Variants in NPTXR observed in about 807,000 individuals in gnomAD.
The protein encoded by NPTXR is neuronal pentraxin receptor.
In NPTXR, 12 loss-of-function variants were observed where a neutral mutation model predicts 32.2. That is an observed-to-expected ratio of 0.37 (90% CI 0.24 to 0.60). The LOEUF is 0.60. Ranked by LOEUF, NPTXR falls within the 20% of genes least tolerant of loss-of-function variation. NPTXR has a pLI of 0.66. For synonymous variants in NPTXR, 323 were observed against 315.8 expected (o/e 1.02, Z -0.24); for missense variants, 612 against 682.9 (o/e 0.90, Z 1.16).
At chr22:38,837,301 G>C (rs1415187748) in intron 1 of NPTXR, among the ~76,000 whole-genome samples, 1 of 152,168 alleles carries the variant, frequency 6.6e-6, no homozygotes, top group Non-Finnish European at 1.5e-5. Flanking sequence ...GGCACTGTGG[G>C]GGAGGGAGGA....
intron 1 of NPTXR, among the ~76,000 whole-genome samples, chr22:38,835,185 G>T (rs954039934): frequency 1.3e-5 from 2 of 152,208 alleles, no homozygotes; most frequent in African/African-American, 4.8e-5. Context: ...TGGCCCCATG[G>T]TTCCGCAGGT....
At chr22:38,828,061 C>G (rs544055482) in intron 2 of NPTXR, among the ~76,000 whole-genome samples, 1 of 152,306 alleles carries the variant, frequency 6.6e-6, no homozygotes, top group South Asian at 2.1e-4. Flanking sequence ...GTATCAAGTA[C>G]TTAGCCCACT....
rs2093106955 is a variant in NPTXR at position 38,826,525 on chromosome 22, G to C, written c.1073C>G (p.Pro358Arg). 1.2e-6 allele frequency: 2 copies of C among 1,611,806 alleles called. No individual in the cohort carries two copies. The highest frequency in any genetic ancestry group is 1.1e-5 in the South Asian group (1 of 90,942). ...CTTGTCGTTGATCAGCAGCTCCATG[G>C]GCTCATGGCCCGCCTCTAGCAGTAC... is the stretch of plus-strand genomic sequence containing the variant. The change falls in exon 3 of 5, where the codon CCC becomes CGC. Residue 358 changes from proline to arginine, a missense_variant. Transcript: ENST00000333039.
intron 1 of NPTXR, among the ~76,000 whole-genome samples, chr22:38,830,527 G>A (rs1050750788): frequency 6.6e-6 from 1 of 152,208 alleles, no homozygotes; most frequent in Non-Finnish European, 1.5e-5. Context: ...AGCAGGAGCA[G>A]AGCTGGGATC....
At chr22:38,840,403 C>T (rs748137968) in intron 1 of NPTXR, among the ~76,000 whole-genome samples, 9 of 151,928 alleles carry the variant, frequency 5.9e-5, no homozygotes, top group East Asian at 1.9e-4. Flanking sequence ...AGGAGCAGGC[C>T]GAGGAGTTAG....
rs776412451 is a variant in NPTXR, at chr22:38,826,790, C to T, written c.851-43G>A. 3.0e-5 allele frequency: 47 copies of T among 1,585,042 alleles called. 1 individual carries two copies. Among genetic ancestry groups the T allele is most frequent in the African/African-American group, 2.7e-5 (2 of 74,566 alleles). On this transcript the variant is annotated intron_variant, in intron 2 of 4. Transcript: ENST00000333039. ...AGACATGGTGGAGGTCGGTGGACAC[C>T]GAAAAGGGTGGGGTGGACAGGGCAC... is the stretch of plus-strand genomic sequence containing the variant.
chr22:38,835,210 C>T (rs924144588), intron 1 of NPTXR, among the ~76,000 whole-genome samples: 2 of 149,100 alleles, frequency 1.3e-5, no homozygotes, highest in Admixed American at 6.6e-5. Context: ...GTGCTCCCAG[C>T]TGGCGGTGCT....
intron 1 of NPTXR, among the ~76,000 whole-genome samples, chr22:38,836,564 G>T (rs955946760): frequency 1.3e-5 from 2 of 152,184 alleles, no homozygotes; most frequent in Non-Finnish European, 2.9e-5. Context: ...AACTGACTAC[G>T]GTGACAGGAG....
intron 3 of NPTXR, among the ~76,000 whole-genome samples, chr22:38,825,198 G>A (rs968896258): frequency 6.6e-6 from 1 of 152,196 alleles, no homozygotes; most frequent in Non-Finnish European, 1.5e-5. Context: ...TGAAGGAGGG[G>A]CATCGGGGAG....
At position 38,843,345 on chromosome 22, in the gene NPTXR, C is replaced by T. The variant is rs2093134544; in HGVS notation, c.514G>A (p.Ala172Thr). ...GCCATGGTGTCGCGGCGGGGCCCGG[C>T]GCCCTGGAGGCCGCGCGGCAGGCCG... Residue 172 changes from alanine (A) to threonine (T), a missense_variant, in exon 1 of 5, where the codon GCC becomes ACC. Transcript: ENST00000333039. The surrounding 1 kb of genome is among the most constrained non-coding windows in gnomAD (Gnocchi z 5.3). 1 of 1,411,610 alleles carries T rather than the reference C, an allele frequency of 7.1e-7. No individual in the cohort carries two copies. Among genetic ancestry groups the T allele is most frequent in the South Asian group, 1.5e-5 (1 of 67,952 alleles). The allele number at this position is 1,411,610 out of a possible 1,614,324, so 87.4% of individuals were successfully genotyped here. A position where few individuals can be genotyped will look rare whatever the true frequency, so the allele number is the denominator to read the frequency against.
chr22:38,829,907 C>T (rs1716260383), intron 1 of NPTXR, among the ~76,000 whole-genome samples: 1 of 152,234 alleles, frequency 6.6e-6, no homozygotes, highest in Admixed American at 6.5e-5. Context: ...CTGGCCCAGC[C>T]AATGGCCTTG....
intron 1 of NPTXR, among the ~76,000 whole-genome samples, chr22:38,832,662 A>C (rs1343864580): frequency 6.6e-6 from 1 of 152,226 alleles, no homozygotes; most frequent in Non-Finnish European, 1.5e-5. Context: ...CTCAGAGATG[A>C]GGGAACTGAG....
In NPTXR at chr22:38,843,821, A is replaced by T; in HGVS notation, c.38T>A (p.Leu13Gln). 1 of 1,013,096 alleles carries T rather than the reference A, an allele frequency of 9.9e-7. No homozygotes were observed. The highest frequency in any genetic ancestry group is 1.2e-6 in the Non-Finnish European group (1 of 850,782). 62.8% of individuals were successfully genotyped at this position (1,013,096 alleles called of 1,614,324 possible). A position where few individuals can be genotyped will look rare whatever the true frequency, so the allele number is the denominator to read the frequency against. The change falls in exon 1 of 5, where the codon CTG becomes CAG. Residue 13 changes from leucine (L) to glutamine (Q), a missense_variant. Coordinates refer to ENST00000333039, the MANE Select transcript of NPTXR (RefSeq NM_014293.4). The surrounding 1 kb of genome is among the most constrained non-coding windows in gnomAD (Gnocchi z 5.3). ...GCAGATGACGGCACCGAGGAACGCC[A>T]GCATGCCCGCGGCCAGCAGCACGGC...
intron 1 of NPTXR, among the ~76,000 whole-genome samples, chr22:38,831,159 C>T (rs1451567082): frequency 6.6e-5 from 10 of 152,204 alleles, no homozygotes. Flanking sequence ...TGTGTGTAAT[C>T]CCAGCACTTT....
At chr22:38,828,624 C>A in intron 1 of NPTXR, 112 bp from the exon 2 acceptor site, 1 of 786,494 alleles carries the variant, frequency 1.3e-6, no homozygotes, top group Admixed American at 2.7e-5. Context: ...TCAGCTTCCC[C>A]AGTATGCAAA....
chr22:38,829,180 C>T (rs2093112281), intron 1 of NPTXR, among the ~76,000 whole-genome samples: 1 of 152,168 alleles, frequency 6.6e-6, no homozygotes, highest in South Asian at 2.1e-4. Context: ...GAGAGCTGCA[C>T]CTATTTGGAG....
intron 3 of NPTXR, among the ~76,000 whole-genome samples, chr22:38,825,202 C>T (rs577787746): frequency 2.0e-5 from 3 of 152,104 alleles, no homozygotes; most frequent in Admixed American, 6.5e-5. Flanking sequence ...GGAGGGGCAT[C>T]GGGGAGGGAG....
Position 38,820,821 on chromosome 22 carries a change from C to T in NPTXR, c.*1788G>A, listed in dbSNP as rs2093095771. On this transcript the variant is annotated 3_prime_UTR_variant, in exon 5 of 5. Transcript: ENST00000333039. Reference sequence around the variant, plus strand: ...GATCCTGTGCAGGTCACGTGTCCTCCCTGAACTCTTCCCCATTTCTCACAA... The same window carrying T: ...GATCCTGTGCAGGTCACGTGTCCTCTCTGAACTCTTCCCCATTTCTCACAA... The T allele has an allele frequency of 6.6e-6, 1 of 152,236 alleles. No homozygotes were observed. The highest frequency in any genetic ancestry group is 6.5e-5 in the Admixed American group (1 of 15,276). 9.4% of individuals were successfully genotyped at this position (152,236 alleles called of 1,614,324 possible). A position where few individuals can be genotyped will look rare whatever the true frequency, so the allele number is the denominator to read the frequency against.
At chr22:38,830,168 G>A (rs553932403) in intron 1 of NPTXR, among the ~76,000 whole-genome samples, 2 of 152,314 alleles carry the variant, frequency 1.3e-5, no homozygotes, top group African/African-American at 4.8e-5. Context: ...TGCAGGAACC[G>A]GCCCTCGGCT....
Sources: allele counts gnomAD v4.1 joint callset (sites outside exome capture counted in the v4.1 genomes callset), GRCh38; gene constraint gnomAD v4.1.1; non-coding constraint Gnocchi (gnomAD v3.1); transcripts MANE v1.5; gene names NCBI Gene and HGNC (gene_info 2026-07-23, HGNC 2026-07-21).